Variants in MYBL1 observed in about 807,000 individuals in gnomAD.
The protein encoded by MYBL1 is MYB proto-oncogene like 1, also known as myb-related protein A.
A neutral mutation model predicts 96.3 loss-of-function variants in MYBL1; 17 were observed. The ratio of observed to expected loss-of-function variants is 0.18; its 90% CI spans 0.12 to 0.26. MYBL1 has a LOEUF of 0.26. Among genes scored for constraint, MYBL1 ranks in the 10% least tolerant of loss-of-function variants. The pLI, the probability that MYBL1 is intolerant of heterozygous loss-of-function variation, is 1.00. For missense variants in MYBL1, 701 were observed against 882.9 expected, an observed-to-expected ratio of 0.79 and a Z score of 2.61; for synonymous variants, 282 against 292.7, an observed-to-expected ratio of 0.96 and a Z score of 0.37.
rs760222806 is a variant in MYBL1 at position 66,612,842 on chromosome 8, T to G, written c.-4A>C. The G allele has an allele frequency of 2.2e-6, 3 of 1,373,550 alleles. No individual in the cohort carries two copies. The allele number at this position is 1,373,550 out of a possible 1,614,324, so 85.1% of individuals were successfully genotyped here. A position where few individuals can be genotyped will look rare whatever the true frequency, so the allele number is the denominator to read the frequency against. ...ACCTGCGCGACCTCTTCGCCATCCT[T>G]CAAGTACCGCATAGGAGCAGGCTGG... On this transcript the variant is annotated 5_prime_UTR_variant, in exon 1 of 16. Coordinates refer to ENST00000522677, the MANE Select transcript of MYBL1 (RefSeq NM_001080416.4).
At chr8:66,582,222 T>C (rs2358000) in intron 8 of MYBL1, among the ~76,000 whole-genome samples, 19,016 of 151,956 alleles carry the variant, frequency 0.13, 2,797 homozygotes, top group African/African-American at 0.35. Context: ...GATTAAGCTC[T>C]ACACTTAAAA....
At chr8:66,594,755 G>C (rs1456568668) in intron 6 of MYBL1, among the ~76,000 whole-genome samples, 1 of 152,042 alleles carries the variant, frequency 6.6e-6, no homozygotes, top group Non-Finnish European at 1.5e-5. Flanking sequence ...TACTCTAAGT[G>C]GTTCTTTTAA....
intron 8 of MYBL1, among the ~76,000 whole-genome samples, chr8:66,587,332 G>A (rs1209958224): frequency 6.6e-6 from 1 of 151,732 alleles, no homozygotes; most frequent in Admixed American, 6.6e-5. Flanking sequence ...CAGAAAATAT[G>A]TACAATTATT....
chr8:66,599,796 C>A, intron 3 of MYBL1, among the ~76,000 whole-genome samples: 1 of 148,830 alleles, frequency 6.7e-6, no homozygotes, highest in Non-Finnish European at 1.5e-5. Flanking sequence ...GCGAAACTCT[C>A]ATCTCAAAAA....
intron 1 of MYBL1, among the ~76,000 whole-genome samples, chr8:66,604,748 T>G (rs1810244782): frequency 6.6e-6 from 1 of 152,104 alleles, no homozygotes; most frequent in South Asian, 2.1e-4. Context: ...GAGAGATATT[T>G]AAAAAGTAGA....
At position 66,566,872 on chromosome 8, in the gene MYBL1, T is replaced by C. The variant is rs932339191; in HGVS notation, c.1845+4A>G. 3 of 1,602,274 alleles carry C rather than the reference T, an allele frequency of 1.9e-6. No individual in the cohort carries two copies. The highest frequency in any genetic ancestry group is 1.7e-6 in the Non-Finnish European group (2 of 1,170,020). Reference sequence around the variant, plus strand: ...TTTTATTAACAATAATACTAGAAGATTACCTCTTGTTTGCAGCTTTTGTAA... The same window carrying C: ...TTTTATTAACAATAATACTAGAAGACTACCTCTTGTTTGCAGCTTTTGTAA... On this transcript the variant is annotated splice_donor_region_variant and intron_variant, in intron 13 of 15. Transcript: ENST00000522677.
intron 1 of MYBL1, among the ~76,000 whole-genome samples, chr8:66,606,453 T>C (rs1652954857): frequency 6.6e-6 from 1 of 152,366 alleles, no homozygotes; most frequent in Admixed American, 6.5e-5. Context: ...TTTGAAGATT[T>C]GTTTAACCTT....
chr8:66,589,188 A>C (rs965960135), intron 8 of MYBL1, among the ~76,000 whole-genome samples: 4 of 152,194 alleles, frequency 2.6e-5, no homozygotes, highest in Non-Finnish European at 5.9e-5. Context: ...TTAATGCAAA[A>C]TATTCATTCC....
At position 66,580,267 on chromosome 8, in the gene MYBL1, T is replaced by C; in HGVS notation, c.967A>G (p.Ser323Gly). 5.0e-6 allele frequency: 8 copies of C among 1,613,898 alleles called. No individual in the cohort carries two copies. The highest frequency in any genetic ancestry group is 6.8e-6 in the Non-Finnish European group (8 of 1,179,830). Residue 323 changes from serine (S) to glycine (G), a missense_variant, in exon 9 of 16, where the codon AGT (serine) becomes GGT (glycine). Ser to Gly is a moderately conservative substitution (Grantham distance 56). Transcript: ENST00000522677. ...SLDEHTSEFY[S>G]MDENQPVSAQ... ...GACACAGGCTGATTTTCATCCATAC[T>C]GTAAAACTCACTAGTGTGCTCGTCA...
chr8:66,596,471 C>T (rs1266185628), intron 5 of MYBL1, among the ~76,000 whole-genome samples: 2 of 152,020 alleles, frequency 1.3e-5, no homozygotes, highest in East Asian at 1.9e-4. Context: ...AGGCACTAAG[C>T]TAGGTTCTAT....
intron 6 of MYBL1, 137 bp from the exon 7 acceptor site, chr8:66,593,331 T>C (rs1272340082): frequency 2.0e-6 from 1 of 504,200 alleles, no homozygotes; most frequent in Non-Finnish European, 3.6e-6. Context: ...TGAAATGTTA[T>C]ACCTATAATA....
chr8:66,583,104 A>G (rs1423836867), intron 8 of MYBL1, among the ~76,000 whole-genome samples: 1 of 152,240 alleles, frequency 6.6e-6, no homozygotes, highest in Non-Finnish European at 1.5e-5. Context: ...CCACAAAATA[A>G]GTCTGAACAA....
intron 12 of MYBL1, among the ~76,000 whole-genome samples, chr8:66,567,879 T>C (rs1488321784): frequency 1.3e-5 from 2 of 151,724 alleles, no homozygotes; most frequent in Non-Finnish European, 2.9e-5. Context: ...CTGGCCAACA[T>C]GGTGAAACCC....
chr8:66,577,728 C>A (rs1319922911), intron 9 of MYBL1, among the ~76,000 whole-genome samples: 1 of 152,116 alleles, frequency 6.6e-6, no homozygotes, highest in East Asian at 1.9e-4. Flanking sequence ...GAAAAAACTA[C>A]TTTAAAGTTC....
At chr8:66,592,128 T>C (rs547979599) in intron 8 of MYBL1, among the ~76,000 whole-genome samples, 3 of 152,028 alleles carry the variant, frequency 2.0e-5, no homozygotes, top group South Asian at 4.2e-4. Context: ...TTGTCAGGCA[T>C]GGTGGCAGGC....
chr8:66,592,356 C>T (rs1809682159), intron 8 of MYBL1, 84 bp downstream of exon 8: 16 of 901,018 alleles, frequency 1.8e-5, no homozygotes, highest in Non-Finnish European at 2.7e-5. Flanking sequence ...TGCAGTCATA[C>T]TGAGTATGCT....
intron 12 of MYBL1, among the ~76,000 whole-genome samples, chr8:66,569,374 G>A (rs2129717785): frequency 6.6e-6 from 1 of 150,666 alleles, no homozygotes; most frequent in East Asian, 1.9e-4. Flanking sequence ...TTTTGAGGTG[G>A]GGTCTCACTC....
At chr8:66,577,924 G>A (rs182257213) in intron 9 of MYBL1, among the ~76,000 whole-genome samples, 354 of 152,132 alleles carry the variant, frequency 2.3e-3, no homozygotes, top group Middle Eastern at 6.8e-3. Context: ...AAATAATGCC[G>A]CGTTATCTAC....
chr8:66,592,668 C>T (rs1025358160), intron 7 of MYBL1, 124 bp from the exon 8 acceptor site: 3 of 584,468 alleles, frequency 5.1e-6, no homozygotes, highest in Non-Finnish European at 8.7e-6. Context: ...CTTAATGCTA[C>T]TAAATACTAA....
Sources: gnomAD v4.1 joint callset for allele counts (sites outside exome capture counted in the v4.1 genomes callset) on GRCh38, gnomAD v4.1.1 for gene constraint, MANE v1.5 for transcripts, NCBI Gene and HGNC (gene_info 2026-07-23, HGNC 2026-07-21) for gene names.